Variants in INTS7 observed in about 807,000 individuals in gnomAD.
The protein encoded by INTS7 is chromosome 1 open reading frame 73.
Under a neutral mutation model 109.2 loss-of-function variants are expected in INTS7, and 46 were observed. That is an observed-to-expected ratio of 0.42 (90% CI 0.33 to 0.54). The LOEUF (loss-of-function observed/expected upper bound fraction) is 0.54, where lower values mean the gene tolerates loss of function less well. INTS7 is among the 20% of genes least tolerant of loss of function. INTS7 has a pLI of 0.07. For synonymous variants in INTS7, 412 were observed against 402.9 expected, an observed-to-expected ratio of 1.02 and a Z score of -0.27; for missense variants, 929 against 1,132.4, an observed-to-expected ratio of 0.82 and a Z score of 2.58.
intron 1 of INTS7, among the ~76,000 whole-genome samples, chr1:212,033,900 T>C (rs1667288424): frequency 6.6e-6 from 1 of 151,996 alleles, no homozygotes; most frequent in Non-Finnish European, 1.5e-5. Flanking sequence ...CTGGCCAACA[T>C]GGTGAAACCC....
At chr1:211,975,411 G>C in intron 12 of INTS7, 39 bp from the exon 13 acceptor site, 37 of 1,468,594 alleles carry the variant, frequency 2.5e-5, no homozygotes, top group Non-Finnish European at 3.0e-5. Context: ...AATAGAAGGA[G>C]CACACGGTGA....
chr1:211,961,296 G>A (rs771749258), intron 16 of INTS7, among the ~76,000 whole-genome samples: 20 of 151,144 alleles, frequency 1.3e-4, no homozygotes, highest in Admixed American at 3.9e-4. Flanking sequence ...CTCCAAGGTC[G>A]CAATGAAAAA....
chr1:211,969,558 T>C (rs1449467093), intron 13 of INTS7, among the ~76,000 whole-genome samples: 2 of 142,426 alleles, frequency 1.4e-5, no homozygotes, highest in South Asian at 2.3e-4. Flanking sequence ...TTTCTTTTTT[T>C]TTTTTTTTTT....
chr1:211,981,165 A>T lies in INTS7; in HGVS notation c.1158T>A (p.Ala386=), dbSNP rs139734749. 272 of 1,613,266 alleles carry T rather than the reference A, an allele frequency of 1.7e-4. 3 individuals carry two copies. In the African/African-American group the frequency reaches 3.2e-3, roughly 19 times the overall value. Reference sequence around the variant, plus strand: ...CCAGTAGGGATTCCAGGCCAAAGACAGCATCTTGTTCCAGTGCCAAAAGAT... The same window carrying T: ...CCAGTAGGGATTCCAGGCCAAAGACTGCATCTTGTTCCAGTGCCAAAAGAT... ...EKDLLALEQD[A]VFGLESLLVL... is the part of the protein sequence containing the mutation. The change falls in exon 10 of 20, where the codon GCT becomes GCA. Residue 386 remains alanine, a synonymous_variant. Transcript: ENST00000366994.
rs1341683432 is a variant in INTS7, at chr1:212,029,593, T to C, written c.94+5751A>G. Among the ~76,000 whole-genome samples the C allele has an allele frequency of 1.3e-5, 2 of 152,244 alleles. 1 individual carries two copies. Among genetic ancestry groups the C allele is most frequent in the Admixed American group, 1.3e-4 (2 of 15,288 alleles). On this transcript the variant is annotated intron_variant, in intron 1 of 19. Transcript: ENST00000366994. ...CCTTAGTAAGACAAGGTTCATGATA[T>C]GGGACATTCCTTAAGCATAAAAAGA...
intron 7 of INTS7, among the ~76,000 whole-genome samples, chr1:212,004,989 A>G (rs1028146932): frequency 6.6e-6 from 1 of 152,354 alleles, no homozygotes; most frequent in Admixed American, 6.5e-5. Context: ...ATCATCTGTT[A>G]AAACTGAAGA....
intron 16 of INTS7, among the ~76,000 whole-genome samples, chr1:211,961,178 G>A (rs12127964): frequency 3.9e-5 from 6 of 151,990 alleles, no homozygotes; most frequent in South Asian, 2.1e-4. Context: ...TATCATCCAC[G>A]AGAACTTCCC....
intron 7 of INTS7, among the ~76,000 whole-genome samples, chr1:211,992,232 A>G (rs1665178677): frequency 6.6e-6 from 1 of 152,142 alleles, no homozygotes; most frequent in Non-Finnish European, 1.5e-5. Flanking sequence ...TTCTATATTT[A>G]TATGTATTCC....
intron 1 of INTS7, among the ~76,000 whole-genome samples, chr1:212,022,505 G>C (rs530171645): frequency 1.3e-4 from 19 of 151,540 alleles, no homozygotes; most frequent in South Asian, 4.2e-4. Flanking sequence ...CATTGAGGAA[G>C]AAATATGTAT....
At chr1:211,976,828 A>G (rs1439413294) in intron 11 of INTS7, 109 bp from the exon 12 acceptor site, 23 of 994,328 alleles carry the variant, frequency 2.3e-5, no homozygotes, top group Middle Eastern at 2.3e-4. Flanking sequence ...GCAAAAGAAC[A>G]AAATTTGTTT....
intron 13 of INTS7, among the ~76,000 whole-genome samples, chr1:211,973,640 G>A (rs1664275235): frequency 6.6e-6 from 1 of 151,904 alleles, no homozygotes; most frequent in African/African-American, 2.4e-5. Flanking sequence ...AAATGAACAG[G>A]TTAAAAAATA....
At chr1:212,029,028 T>C (rs1214056856) in intron 1 of INTS7, among the ~76,000 whole-genome samples, 2 of 152,158 alleles carry the variant, frequency 1.3e-5, no homozygotes, top group Non-Finnish European at 2.9e-5. Flanking sequence ...ACATTTAAAT[T>C]AGTGATTAAA....
chr1:211,954,222 C>A, intron 16 of INTS7, among the ~76,000 whole-genome samples: 1 of 152,066 alleles, frequency 6.6e-6, no homozygotes, highest in East Asian at 1.9e-4. Flanking sequence ...CTGTTCATGT[C>A]CTTCGCTCAC....
chr1:212,027,054 G>A (rs535593762), intron 1 of INTS7, among the ~76,000 whole-genome samples: 30 of 152,216 alleles, frequency 2.0e-4, no homozygotes, highest in African/African-American at 7.0e-4. Flanking sequence ...CTGTAACAAC[G>A]CCACGGGGTA....
rs1306791440 is a variant in INTS7 at position 212,007,286 on chromosome 1, C to T, written c.720G>A (p.Leu240=). The part of the protein sequence containing the change: ...MVIVSLHTFT[L]LAASSLVDTP... ...TATCAACCAAAGATGACGCTGCAAG[C>T]AGAGTGAAAGTGTGCAAAGACACAA... The change falls in exon 6 of 20, where the codon CTG becomes CTA. Residue 240 remains leucine, a synonymous_variant. Coordinates refer to ENST00000366994, the MANE Select transcript of INTS7 (RefSeq NM_015434.4). 1.2e-6 allele frequency: 2 copies of T among 1,613,798 alleles called. No homozygotes were observed. Among genetic ancestry groups the T allele is most frequent in the East Asian group, 2.2e-5 (1 of 44,896 alleles).
At chr1:211,996,939 G>A (rs1003752033) in intron 7 of INTS7, among the ~76,000 whole-genome samples, 5 of 152,036 alleles carry the variant, frequency 3.3e-5, no homozygotes, top group Non-Finnish European at 5.9e-5. Flanking sequence ...TGTGAGGATC[G>A]CTTAAGCCTG....
chr1:212,019,141 C>T (rs1046048958), intron 3 of INTS7, among the ~76,000 whole-genome samples: 6 of 152,092 alleles, frequency 3.9e-5, no homozygotes, highest in Non-Finnish European at 8.8e-5. Context: ...ATCCCAGCTA[C>T]TCGGGAGGCT....
chr1:211,947,267 G>A (rs1459337208), intron 17 of INTS7, among the ~76,000 whole-genome samples: 9 of 152,148 alleles, frequency 5.9e-5, no homozygotes, highest in Non-Finnish European at 1.0e-4. Context: ...TCTCAAATCT[G>A]CCTCACACAT....
At chr1:212,034,613 G>A (rs558364264) in intron 1 of INTS7, among the ~76,000 whole-genome samples, 10 of 152,314 alleles carry the variant, frequency 6.6e-5, no homozygotes, top group African/African-American at 2.2e-4. Context: ...TCTAAGAAGG[G>A]AGGTATATCT....
Sources: allele counts gnomAD v4.1 joint callset (sites outside exome capture counted in the v4.1 genomes callset), GRCh38; gene constraint gnomAD v4.1.1; transcripts MANE v1.5; gene names NCBI Gene and HGNC (gene_info 2026-07-23, HGNC 2026-07-21).